Variants in TTF2 observed in about 807,000 individuals in gnomAD.
The protein encoded by TTF2 is RNA polymerase II termination factor.
Under a neutral mutation model 142.4 loss-of-function variants are expected in TTF2, and 108 were observed. That is an observed-to-expected ratio of 0.76 (90% CI 0.65 to 0.89). The LOEUF (loss-of-function observed/expected upper bound fraction) is 0.89, where lower values mean the gene tolerates loss of function less well. Among genes scored for constraint, TTF2 ranks in the 40% least tolerant of loss-of-function variants. TTF2 has a pLI of 0.00. For synonymous variants in TTF2, 483 were observed against 506.2 expected (o/e 0.95, Z 0.61); for missense variants, 1,327 against 1,379.8 (o/e 0.96, Z 0.61).
rs901657170 is a variant in TTF2, at chr1:117,097,284, A to G, written c.3187-67A>G. 2.1e-6 allele frequency: 3 copies of G among 1,414,906 alleles called. No individual in the cohort carries two copies. 87.6% of individuals were successfully genotyped at this position (1,414,906 alleles called of 1,614,324 possible). On this transcript the variant is annotated intron_variant, in intron 20 of 22. Coordinates refer to ENST00000369466, the MANE Select transcript of TTF2 (RefSeq NM_003594.4). The surrounding 1 kb of genome is among the most constrained non-coding windows in gnomAD (Gnocchi z 4.1). ...CTTATCTGTATTGATTGTGGACTTA[A>G]ACCTGAGACCGAGATGTGTTACGAG... is the stretch of plus-strand genomic sequence containing the variant.
chr1:117,094,644 T>A, intron 18 of TTF2: 1 of 484,184 alleles, frequency 2.1e-6, no homozygotes, highest in Non-Finnish European at 4.3e-6. Flanking sequence ...TCAGCAAACA[T>A]TAGGAGAGTA....
At chr1:117,094,516 G>A in intron 18 of TTF2, 3 of 452,604 alleles carry the variant, frequency 6.6e-6, no homozygotes, top group Non-Finnish European at 1.3e-5. Context: ...AGGGTTCTTG[G>A]GGAATACCCA....
chr1:117,060,770 C>A (rs948818946), intron 2 of TTF2, among the ~76,000 whole-genome samples: 1 of 152,146 alleles, frequency 6.6e-6, no homozygotes, highest in East Asian at 1.9e-4. Context: ...AGGCTGGTTA[C>A]CCCCCTCTCT....
chr1:117,061,773 A>G (rs1655704987), intron 2 of TTF2, among the ~76,000 whole-genome samples: 1 of 152,246 alleles, frequency 6.6e-6, no homozygotes, highest in Admixed American at 6.5e-5. Context: ...GTATTTGAAG[A>G]CAATTATTTG....
rs139639663 is a variant in TTF2, at chr1:117,079,477, A to G, written c.1702-91A>G. The G allele has an allele frequency of 2.2e-5, 26 of 1,200,832 alleles. No homozygotes were observed. In the East Asian group the frequency reaches 5.9e-4, roughly 27 times the overall value. The allele number at this position is 1,200,832 out of a possible 1,614,324, so 74.4% of individuals were successfully genotyped here. A position where few individuals can be genotyped will look rare whatever the true frequency, so the allele number is the denominator to read the frequency against. On this transcript the variant is annotated intron_variant, in intron 8 of 22. Coordinates refer to ENST00000369466, the MANE Select transcript of TTF2 (RefSeq NM_003594.4). This position sits in a 1 kb window ranked among gnomAD's most constrained non-coding sequence, Gnocchi z 4.2. ...AGAATACTGAGGGAATCATTTGTAG[A>G]AAATAGGAGAGTGTAGAGTTCGTGT...
chr1:117,063,455 G>A lies in TTF2; in HGVS notation c.218+982G>A, dbSNP rs74891663. Among the ~76,000 whole-genome samples the A allele has an allele frequency of 0.01, 1,555 of 152,228 alleles. 23 individuals are homozygous for A. The highest frequency in any genetic ancestry group is 0.035 in the African/African-American group (1,445 of 41,534). On this transcript the variant is annotated intron_variant, in intron 3 of 22. Coordinates refer to ENST00000369466, the MANE Select transcript of TTF2 (RefSeq NM_003594.4). The surrounding 1 kb of genome is among the most constrained non-coding windows in gnomAD (Gnocchi z 4.1). Reference sequence around the variant, plus strand: ...TTCTGATTTTTATCTCTTTAGATGTGTTTTGATTGTTCTTGAACGTTATAT... The same window carrying A: ...TTCTGATTTTTATCTCTTTAGATGTATTTTGATTGTTCTTGAACGTTATAT...
rs944202040 is a variant in TTF2 at position 117,104,047 on chromosome 1, G to A, written c.*2523G>A. 1.3e-5 allele frequency: 2 copies of A among 151,596 alleles called. No homozygotes were observed. The highest frequency in any genetic ancestry group is 4.2e-4 in the South Asian group (2 of 4,816). The allele number at this position is 151,596 out of a possible 1,614,324, so 9.4% of individuals were successfully genotyped here. A position where few individuals can be genotyped will look rare whatever the true frequency, so the allele number is the denominator to read the frequency against. ...TAAGGTGGGCAGTTTTCAGAACTTA[G>A]CAGCAATAAGGTTTCTGATAAAATC... On this transcript the variant is annotated 3_prime_UTR_variant, in exon 23 of 23. Coordinates refer to ENST00000369466, the MANE Select transcript of TTF2 (RefSeq NM_003594.4).
In TTF2 at chr1:117,106,273, G is replaced by GAAAAA. The variant is rs36122376; in HGVS notation, c.*4758_*4762dup. The GAAAAA allele has an allele frequency of 1.4e-5, 2 of 141,570 alleles. No individual in the cohort carries two copies. Among genetic ancestry groups the GAAAAA allele is most frequent in the Non-Finnish European group, 3.1e-5 (2 of 65,242 alleles). The allele number at this position is 141,570 out of a possible 1,614,324, so 8.8% of individuals were successfully genotyped here. ...GTAGTTAGGGGATGGAGATAGATAT[G>GAAAAA]AAAAAAAAAAAAAGCAAACCCAGCC... On this transcript the variant is annotated 3_prime_UTR_variant, in exon 23 of 23. Transcript: ENST00000369466.
rs1649800084 is a variant in TTF2 at position 117,104,320 on chromosome 1, A to G, written c.*2796A>G. ...ACTGGGAATTTCATAGCAAATATATATACTACAACATGGTTGACCAGATAG... is the reference window on the plus strand; with the variant it reads ...ACTGGGAATTTCATAGCAAATATATGTACTACAACATGGTTGACCAGATAG... On this transcript the variant is annotated 3_prime_UTR_variant, in exon 23 of 23. Transcript: ENST00000369466. 1 of 152,240 alleles carries G rather than the reference A, an allele frequency of 6.6e-6. No homozygotes were observed. The highest frequency in any genetic ancestry group is 2.1e-4 in the South Asian group (1 of 4,830). 9.4% of individuals were successfully genotyped at this position (152,240 alleles called of 1,614,324 possible). A position where few individuals can be genotyped will look rare whatever the true frequency, so the allele number is the denominator to read the frequency against.
intron 10 of TTF2, 25 bp downstream of exon 10, chr1:117,081,972 T>C: frequency 6.2e-7 from 1 of 1,613,766 alleles, no homozygotes. Context: ...CTTAATAGCC[T>C]GCCATTCCCT....
chr1:117,091,682 A>T, intron 16 of TTF2, 135 bp from the exon 17 acceptor site: 1 of 1,200,022 alleles, frequency 8.3e-7, no homozygotes, highest in Non-Finnish European at 1.1e-6. Flanking sequence ...GAAGTGGCCT[A>T]TAGAAGTGAG....
At position 117,091,223 on chromosome 1, in the gene TTF2, A is replaced by AT. The variant is rs1648547359; in HGVS notation, c.2589-102dup. 26 of 884,938 alleles carry AT rather than the reference A, an allele frequency of 2.9e-5. No homozygotes were observed. The South Asian group carries it at 5.4e-4, about 18-fold the overall frequency. The allele number at this position is 884,938 out of a possible 1,614,324, so 54.8% of individuals were successfully genotyped here. Reference sequence around the variant, plus strand: ...CATTGCTTCTTATGAGCTTGGCATCATTTAACAAGTCTTCTATAATTTGTC... The same window carrying AT: ...CATTGCTTCTTATGAGCTTGGCATCATTTTAACAAGTCTTCTATAATTTGTC... On this transcript the variant is annotated intron_variant, in intron 15 of 22. Coordinates refer to ENST00000369466, the MANE Select transcript of TTF2 (RefSeq NM_003594.4).
chr1:117,075,319 A>G lies in TTF2; in HGVS notation c.735A>G (p.Gln245=), dbSNP rs966716220. 52 of 1,614,114 alleles carry G rather than the reference A, an allele frequency of 3.2e-5. No homozygotes were observed. Among genetic ancestry groups the G allele is most frequent in the Non-Finnish European group, 4.3e-5 (51 of 1,180,056 alleles). The change falls in exon 5 of 23, where the codon CAA becomes CAG. Residue 245 remains glutamine (Q), a synonymous_variant. Coordinates refer to ENST00000369466, the MANE Select transcript of TTF2 (RefSeq NM_003594.4). This position sits in a 1 kb window ranked among gnomAD's most constrained non-coding sequence, Gnocchi z 4.5. ...AGGAGAAATCAAGTGGTAAGAGTCAAGATGTCCAAAGAGAATCAGAACCTC... is the reference window on the plus strand; with the variant it reads ...AGGAGAAATCAAGTGGTAAGAGTCAGGATGTCCAAAGAGAATCAGAACCTC... ...SSQEKSSGKS[Q]DVQRESEPLR...
intron 3 of TTF2, among the ~76,000 whole-genome samples, chr1:117,064,294 C>G (rs183788470): frequency 2.4e-4 from 36 of 150,314 alleles, no homozygotes; most frequent in Non-Finnish European, 3.8e-4. Flanking sequence ...CCTGGCCAAC[C>G]AACATGGTGA....
intron 11 of TTF2, among the ~76,000 whole-genome samples, chr1:117,084,927 G>T (rs539259556): frequency 6.6e-6 from 1 of 152,192 alleles, no homozygotes; most frequent in African/African-American, 2.4e-5. Context: ...TAAGTTGTTA[G>T]ATTGGTGCCC....
Position 117,101,565 on chromosome 1 carries a change from T to C in TTF2, c.*41T>C. ...GGCTCAGAATAGCACCATTGCTGGTTTGTATTAGGATCTGGGAATAACAAC... is the reference window on the plus strand; with the variant it reads ...GGCTCAGAATAGCACCATTGCTGGTCTGTATTAGGATCTGGGAATAACAAC... On this transcript the variant is annotated 3_prime_UTR_variant, in exon 23 of 23. Coordinates refer to ENST00000369466, the MANE Select transcript of TTF2 (RefSeq NM_003594.4). The surrounding 1 kb of genome is among the most constrained non-coding windows in gnomAD (Gnocchi z 5.9). 1 of 1,524,120 alleles carries C rather than the reference T, an allele frequency of 6.6e-7. No individual in the cohort carries two copies. Among genetic ancestry groups the C allele is most frequent in the Admixed American group, 2.4e-5 (1 of 41,260 alleles). 94.4% of individuals were successfully genotyped at this position (1,524,120 alleles called of 1,614,324 possible). A position where few individuals can be genotyped will look rare whatever the true frequency, so the allele number is the denominator to read the frequency against.
rs1648646084 is a variant in TTF2, at chr1:117,092,033, A to AGATGTAGG, written c.2805+83_2805+84insGATGTAGG. 3 of 1,409,706 alleles carry AGATGTAGG rather than the reference A, an allele frequency of 2.1e-6. No individual in the cohort carries two copies. In the East Asian group the frequency reaches 7.3e-5, roughly 34 times the overall value. The allele number at this position is 1,409,706 out of a possible 1,614,324, so 87.3% of individuals were successfully genotyped here. The stretch of plus-strand genomic sequence containing the variant: ...TCAATTTCACTCTCCTCCAACTGGA[A>AGATGTAGG]TCCAGTCTGCTTGATCAAAGGAAAT... On this transcript the variant is annotated intron_variant, in intron 17 of 22. Coordinates refer to ENST00000369466, the MANE Select transcript of TTF2 (RefSeq NM_003594.4). This position sits in a 1 kb window ranked among gnomAD's most constrained non-coding sequence, Gnocchi z 4.4.
intron 3 of TTF2, among the ~76,000 whole-genome samples, chr1:117,072,716 C>A (rs748185470): frequency 1.3e-5 from 2 of 152,110 alleles, no homozygotes; most frequent in African/African-American, 2.4e-5. Context: ...AGCCACCGCA[C>A]CCGGCCAAGA....
chr1:117,077,978 C>G lies in TTF2; in HGVS notation c.1636C>G (p.Leu546Val). ...WKITSEAIGQLHRSLESCPGE... is the reference protein window; with the variant it reads ...WKITSEAIGQVHRSLESCPGE... Reference sequence around the variant, plus strand: ...AATCACAAGTGAAGCCATCGGTCAACTGCATCGCTCACTTGAGTCATGTCC... The same window carrying G: ...AATCACAAGTGAAGCCATCGGTCAAGTGCATCGCTCACTTGAGTCATGTCC... The change falls in exon 8 of 23, where the codon CTG becomes GTG. Residue 546 changes from leucine (L) to valine (V), a missense_variant. Physicochemically the swap from Leu to Val is conservative, Grantham distance 32. Coordinates refer to ENST00000369466, the MANE Select transcript of TTF2 (RefSeq NM_003594.4). 1 of 1,614,210 alleles carries G rather than the reference C, an allele frequency of 6.2e-7. No individual in the cohort carries two copies. Among genetic ancestry groups the G allele is most frequent in the Non-Finnish European group, 8.5e-7 (1 of 1,180,036 alleles).
Sources: allele counts gnomAD v4.1 joint callset (sites outside exome capture counted in the v4.1 genomes callset), GRCh38; gene constraint gnomAD v4.1.1; non-coding constraint Gnocchi (gnomAD v3.1); transcripts MANE v1.5; gene names NCBI Gene and HGNC (gene_info 2026-07-23, HGNC 2026-07-21).